Variants in NAV1 observed in about 807,000 individuals in gnomAD.
NAV1 encodes pore membrane and/or filament interacting like protein 3.
A neutral mutation model predicts 175.2 loss-of-function variants in NAV1; 18 were observed. That is an observed-to-expected ratio of 0.10 (90% confidence interval 0.07 to 0.15). NAV1 has a LOEUF of 0.15. Ranked by LOEUF, NAV1 falls within the 10% of genes least tolerant of loss-of-function variation. The pLI is 1.00. For synonymous variants in NAV1, 897 were observed against 978.7 expected (o/e 0.92, Z 1.56); for missense variants, 1,731 against 2,436.6 (o/e 0.71, Z 6.10).
intron 15 of NAV1, among the ~76,000 whole-genome samples, chr1:201,801,210 G>T (rs889063016): frequency 6.6e-6 from 1 of 152,102 alleles, no homozygotes; most frequent in Non-Finnish European, 1.5e-5. Context: ...TTGTACAAAG[G>T]GTTTTCCAAA....
chr1:201,715,281 C>G (rs1315814366), intron 2 of NAV1, among the ~76,000 whole-genome samples: 1 of 151,902 alleles, frequency 6.6e-6, no homozygotes, highest in East Asian at 1.9e-4. Context: ...CTGCCTCAGC[C>G]TCTGAAGTAG....
intron 1 of NAV1, among the ~76,000 whole-genome samples, chr1:201,543,051 T>C (rs1184350073): frequency 1.3e-5 from 2 of 152,250 alleles, no homozygotes; most frequent in Non-Finnish European, 2.9e-5. Context: ...TTTCTATACA[T>C]AGGATCATGT....
At chr1:201,632,350 A>C (rs1177948230) in intron 2 of NAV1, among the ~76,000 whole-genome samples, 4 of 152,162 alleles carry the variant, frequency 2.6e-5, no homozygotes, top group African/African-American at 9.7e-5. Flanking sequence ...CCCTGGGGCA[A>C]GTGTGGAAAT....
chr1:201,543,860 C>T (rs188688092), intron 1 of NAV1, among the ~76,000 whole-genome samples: 73 of 152,292 alleles, frequency 4.8e-4, no homozygotes, highest in Admixed American at 5.2e-4. Flanking sequence ...CCCCGGCAAC[C>T]GCCATTTTAC....
chr1:201,790,573 C>A lies in NAV1; in HGVS notation c.3239C>A (p.Ser1080Tyr), dbSNP rs142843126. 1.3e-4 allele frequency: 214 copies of A among 1,614,120 alleles called. No homozygotes were observed. In the African/African-American group the frequency reaches 2.6e-3, roughly 20 times the overall value. The change falls in exon 12 of 30, where the codon TCT becomes TAT. Residue 1080 changes from serine to tyrosine, a missense_variant. Ser to Tyr is a moderately radical substitution (Grantham distance 144). Coordinates refer to ENST00000367296, the Ensembl canonical transcript of NAV1. Reference sequence around the variant, plus strand: ...CTTCAGGCTGAGGAGAGGATGCAATCTGAGGTAGGGTGGAAAGCCTTTGTC... The same window carrying A: ...CTTCAGGCTGAGGAGAGGATGCAATATGAGGTAGGGTGGAAAGCCTTTGTC...
At chr1:201,609,755 C>G (rs1291683048) in intron 2 of NAV1, among the ~76,000 whole-genome samples, 1 of 152,132 alleles carries the variant, frequency 6.6e-6, no homozygotes, top group Non-Finnish European at 1.5e-5. Context: ...CTCTGCTCCT[C>G]CCTATTCAGC....
intron 1 of NAV1, among the ~76,000 whole-genome samples, chr1:201,664,601 T>C (rs1435055956): frequency 6.6e-6 from 1 of 152,206 alleles, no homozygotes; most frequent in Non-Finnish European, 1.5e-5. Flanking sequence ...CTATGTGGGT[T>C]TATAGAGGAA....
chr1:201,572,354 T>TTATC (rs1558002179), intron 1 of NAV1, among the ~76,000 whole-genome samples: 3 of 150,432 alleles, frequency 2.0e-5, no homozygotes, highest in African/African-American at 7.4e-5. Flanking sequence ...TTCTAATTTC[T>TTATC]TTTCTTTCTT....
chr1:201,587,453 A>AG (rs1412271107), intron 1 of NAV1, among the ~76,000 whole-genome samples: 5 of 152,128 alleles, frequency 3.3e-5, no homozygotes, highest in East Asian at 1.9e-4. Flanking sequence ...TAAGAGGCCA[A>AG]GGGGGGTGGG....
rs373776016 is a variant in NAV1, at chr1:201,624,320, C to T, written c.-101+714C>T. Among the ~76,000 whole-genome samples the T allele has an allele frequency of 1.2e-4, 18 of 148,850 alleles. No homozygotes were observed. In the East Asian group the frequency reaches 1.6e-3, roughly 13 times the overall value. On this transcript the variant is annotated intron_variant, in intron 1 of 29. Coordinates refer to the NAV1 transcript ENST00000367302. Reference sequence around the variant, plus strand: ...CAAGTTGATTGCATAGAAAAACAAACGCTTAGTCAACTACGCTTTTTTTTT... The same window carrying T: ...CAAGTTGATTGCATAGAAAAACAAATGCTTAGTCAACTACGCTTTTTTTTT...
At chr1:201,818,241 T>C (rs970251424) in intron 29 of NAV1, among the ~76,000 whole-genome samples, 1 of 151,246 alleles carries the variant, frequency 6.6e-6, no homozygotes, top group Non-Finnish European at 1.5e-5. Flanking sequence ...AGGAGAAAGA[T>C]ATGAAGGCCA....
At chr1:201,701,425 A>G (rs541325207) in intron 1 of NAV1, among the ~76,000 whole-genome samples, 1 of 66,170 alleles carries the variant, frequency 1.5e-5, no homozygotes, top group African/African-American at 3.8e-5. Context: ...AAAAAATAAA[A>G]AAAGAAAAAG....
chr1:201,690,665 A>G lies in NAV1; in HGVS notation c.758-22152A>G, dbSNP rs111778274. ...GCCTGTCTGTGGCAGAGCGCTGGCT[A>G]TTTCCTCCGTGGCCTGTCCGTGGCA... On this transcript the variant is annotated intron_variant, in intron 1 of 29. Transcript: ENST00000367296. 8.0e-3 allele frequency among the ~76,000 whole-genome samples: 1,011 copies of G among 126,884 alleles called. 15 individuals are homozygous for G. The highest frequency in any genetic ancestry group is 0.03 in the African/African-American group (959 of 31,840). 83.2% of individuals were successfully genotyped at this position (126,884 alleles called of 152,430 possible). A position where few individuals can be genotyped will look rare whatever the true frequency, so the allele number is the denominator to read the frequency against.
chr1:201,619,462 A>G (rs642439), upstream of NAV1, among the ~76,000 whole-genome samples: 42,422 of 152,140 alleles, frequency 0.28, 7,143 homozygotes, highest in African/African-American at 0.47. Flanking sequence ...TCTCACCAAT[A>G]TAGCTCCCAG....
chr1:201,667,688 T>G (rs1669880807), intron 1 of NAV1, among the ~76,000 whole-genome samples: 1 of 152,162 alleles, frequency 6.6e-6, no homozygotes, highest in South Asian at 2.1e-4. Context: ...TGTCTGAGGT[T>G]TTAGGGTCAA....
chr1:201,783,648 G>C (rs770796240), exon 7 of NAV1: 1 of 1,614,192 alleles, frequency 6.2e-7, no homozygotes, highest in Admixed American at 1.7e-5. Flanking sequence ...AGTGGTTTCA[G>C]TGTGCCAAAA....
chr1:201,636,492 G>A (rs930656388), intron 2 of NAV1, among the ~76,000 whole-genome samples: 15 of 152,178 alleles, frequency 9.9e-5, no homozygotes, highest in East Asian at 1.9e-4. Context: ...TTAAAAGGGC[G>A]GAAGGAATAA....
chr1:201,558,454 T>G (rs941201179), intron 1 of NAV1, among the ~76,000 whole-genome samples: 2 of 152,102 alleles, frequency 1.3e-5, no homozygotes, highest in Non-Finnish European at 2.9e-5. Context: ...GTGTGGTGTT[T>G]TTTGTTTGTT....
At chr1:201,669,665 G>A (rs2102374722) in intron 1 of NAV1, among the ~76,000 whole-genome samples, 1 of 152,340 alleles carries the variant, frequency 6.6e-6, no homozygotes. Flanking sequence ...AGAGGCAAGA[G>A]TGGTGGGTTC....
Sources: gnomAD v4.1 joint callset for allele counts (sites outside exome capture counted in the v4.1 genomes callset) on GRCh38, gnomAD v4.1.1 for gene constraint, MANE v1.5 for transcripts, NCBI Gene and HGNC (gene_info 2026-07-23, HGNC 2026-07-21) for gene names.